Variants in HDAC9 observed in about 807,000 individuals in gnomAD.
The protein encoded by HDAC9 is MEF-2 interacting transcription repressor (MITR) protein.
In HDAC9, 41 loss-of-function variants were observed where a neutral mutation model predicts 139.4. The ratio of observed to expected loss-of-function variants is 0.29; its 90% CI spans 0.23 to 0.38. The LOEUF (loss-of-function observed/expected upper bound fraction) is 0.38, where lower values mean the gene tolerates loss of function less well. Among genes scored for constraint, HDAC9 ranks in the 10% least tolerant of loss-of-function variants. The probability of loss-of-function intolerance (pLI) is 1.00; values close to 1 mark genes in which losing one functional copy is unlikely to be tolerated. For missense variants in HDAC9, 1,147 were observed against 1,297.0 expected, an observed-to-expected ratio of 0.88 and a Z score of 1.78; for synonymous variants, 517 against 476.2, an observed-to-expected ratio of 1.09 and a Z score of -1.12.
In HDAC9 at chr7:18,168,185, C is replaced by G. The variant is rs1270371555; in HGVS notation, c.25+5836C>G. On this transcript the variant is annotated intron_variant, in intron 2 of 12. Coordinates refer to the HDAC9 transcript ENST00000417496. ...CTTAATTAGTGTTTAAAAATAATGTCAATTTATCTGAAATTATAATTGCAC... is the reference window on the plus strand; with the variant it reads ...CTTAATTAGTGTTTAAAAATAATGTGAATTTATCTGAAATTATAATTGCAC... Among the ~76,000 whole-genome samples the G allele has an allele frequency of 5.9e-5, 9 of 152,238 alleles. No individual in the cohort carries two copies. The East Asian group carries it at 1.2e-3, about 20-fold the overall frequency.
intron 12 of HDAC9, among the ~76,000 whole-genome samples, chr7:18,670,047 A>AT (rs1795576113): frequency 6.6e-6 from 1 of 151,852 alleles, no homozygotes; most frequent in South Asian, 2.1e-4. Context: ...TATATAGAGT[A>AT]TTGTTTTTAA....
At chr7:18,613,100 A>G (rs1837617065) in intron 6 of HDAC9, among the ~76,000 whole-genome samples, 1 of 148,026 alleles carries the variant, frequency 6.8e-6, no homozygotes, top group Admixed American at 6.8e-5. Context: ...TCTCTTTTAT[A>G]TATAAATATA....
At chr7:18,106,980 C>G (rs906663403) in intron 1 of HDAC9, among the ~76,000 whole-genome samples, 1 of 152,152 alleles carries the variant, frequency 6.6e-6, no homozygotes, top group African/African-American at 2.4e-5. Flanking sequence ...ACCACCTTTG[C>G]AATCAGAAAA....
At chr7:18,229,416 G>T (rs1296032349) in intron 2 of HDAC9, among the ~76,000 whole-genome samples, 2 of 152,214 alleles carry the variant, frequency 1.3e-5, no homozygotes, top group Non-Finnish European at 2.9e-5. Context: ...AAAGTAGAGT[G>T]CAGGGATGCT....
intron 2 of HDAC9, among the ~76,000 whole-genome samples, chr7:18,221,106 C>CTTTTTTTTTTTTTTTTTT (rs537033538): frequency 1.4e-4 from 19 of 139,654 alleles, no homozygotes; most frequent in African/African-American, 4.9e-4. Context: ...ATTTCTATTC[C>CTTTTTTTTTTTTTTTTTT]TTTTTTTTTT....
chr7:18,919,306 A>G (rs1027732256), intron 22 of HDAC9, among the ~76,000 whole-genome samples: 5 of 152,040 alleles, frequency 3.3e-5, no homozygotes, highest in African/African-American at 7.2e-5. Context: ...AAGCTAACCA[A>G]TATGATGGTA....
At chr7:18,596,858 G>A (rs1832648646) in intron 6 of HDAC9, among the ~76,000 whole-genome samples, 1 of 152,088 alleles carries the variant, frequency 6.6e-6, no homozygotes, top group African/African-American at 2.4e-5. Flanking sequence ...TCAGCAATAT[G>A]TATTAGCAAG....
intron 12 of HDAC9, among the ~76,000 whole-genome samples, chr7:18,692,091 G>C (rs1782713021): frequency 6.6e-6 from 1 of 152,044 alleles, no homozygotes; most frequent in African/African-American, 2.4e-5. Flanking sequence ...GCATATTTCA[G>C]CCCCATTCAC....
chr7:18,815,002 A>G (rs1402259519), intron 17 of HDAC9, among the ~76,000 whole-genome samples: 1 of 144,362 alleles, frequency 6.9e-6, no homozygotes, highest in Non-Finnish European at 1.5e-5. Flanking sequence ...TTGAAGGCAC[A>G]TCTATTGTAG....
chr7:18,366,986 T>C (rs1784232085), intron 1 of HDAC9, among the ~76,000 whole-genome samples: 1 of 152,126 alleles, frequency 6.6e-6, no homozygotes, highest in East Asian at 1.9e-4. Context: ...ATTCTTAATA[T>C]GTAGCATTCA....
intron 12 of HDAC9, 63 bp from the exon 13 acceptor site, chr7:18,727,517 C>T: frequency 7.3e-7 from 1 of 1,365,546 alleles, no homozygotes; most frequent in South Asian, 1.4e-5. Context: ...TGACATGTCG[C>T]TCAGTGTCTC....
At chr7:18,288,977 T>A (rs916212616), upstream of HDAC9, among the ~76,000 whole-genome samples, 3 of 152,220 alleles carry the variant, frequency 2.0e-5, no homozygotes, top group Non-Finnish European at 4.4e-5. Context: ...AGCAAAGTTC[T>A]CTCCCTTTCT....
intron 2 of HDAC9, chr7:18,496,615 T>A: frequency 2.6e-6 from 1 of 389,164 alleles, no homozygotes; most frequent in Admixed American, 4.1e-5. Flanking sequence ...GCCTTTACTA[T>A]GCAACTAGAA....
intron 11 of HDAC9, among the ~76,000 whole-genome samples, chr7:18,655,151 T>C (rs1790692185): frequency 6.6e-6 from 1 of 152,090 alleles, no homozygotes; most frequent in Non-Finnish European, 1.5e-5. Context: ...AATGGATGAG[T>C]AGAAACTGGA....
At chr7:18,132,818 C>A (rs780901081) in intron 1 of HDAC9, among the ~76,000 whole-genome samples, 3 of 152,124 alleles carry the variant, frequency 2.0e-5, no homozygotes, top group Non-Finnish European at 2.9e-5. Context: ...TGGTGCAAGA[C>A]CTTTTCAAAT....
intron 6 of HDAC9, among the ~76,000 whole-genome samples, chr7:18,601,905 A>G (rs1296799156): frequency 6.6e-6 from 1 of 152,178 alleles, no homozygotes; most frequent in Non-Finnish European, 1.5e-5. Flanking sequence ...TATATTCAGG[A>G]GAGATAATTG....
intron 16 of HDAC9, among the ~76,000 whole-genome samples, chr7:18,778,784 A>G (rs1790998179): frequency 6.6e-6 from 1 of 152,054 alleles, no homozygotes; most frequent in Non-Finnish European, 1.5e-5. Flanking sequence ...GCCAGAGCAA[A>G]CATATTCCTC....
intron 22 of HDAC9, among the ~76,000 whole-genome samples, chr7:18,907,901 C>G (rs774978399): frequency 4.6e-5 from 7 of 152,238 alleles, no homozygotes; most frequent in Middle Eastern, 3.4e-3. Context: ...CCTCTGGTAT[C>G]ATCATAATGT....
At chr7:18,949,408 G>A in intron 23 of HDAC9, 1 of 246,396 alleles carries the variant, frequency 4.1e-6, no homozygotes, top group Non-Finnish European at 8.1e-6. Context: ...TTCCTCCACA[G>A]CTGTTAAGTG....
Sources: allele counts gnomAD v4.1 joint callset (sites outside exome capture counted in the v4.1 genomes callset), GRCh38; gene constraint gnomAD v4.1.1; transcripts MANE v1.5; gene names NCBI Gene and HGNC (gene_info 2026-07-23, HGNC 2026-07-21).